Variants in ZSWIM5 observed in about 807,000 individuals in gnomAD.
ZSWIM5 encodes the protein zinc finger SWIM-type containing 5.
Under a neutral mutation model 119.6 loss-of-function variants are expected in ZSWIM5, and 55 were observed. That is an observed-to-expected ratio of 0.46 (90% CI 0.37 to 0.58). The LOEUF (loss-of-function observed/expected upper bound fraction) is 0.58. ZSWIM5 is among the 20% of genes least tolerant of loss of function. The pLI is 0.00. For synonymous variants in ZSWIM5, 537 were observed against 606.9 expected, an observed-to-expected ratio of 0.88 and a Z score of 1.69; for missense variants, 1,193 against 1,512.8, an observed-to-expected ratio of 0.79 and a Z score of 3.51.
intron 2 of ZSWIM5, among the ~76,000 whole-genome samples, chr1:45,084,393 C>G (rs371914722): frequency 6.6e-6 from 1 of 152,020 alleles, no homozygotes; most frequent in African/African-American, 2.4e-5. Context: ...CTGCCCCTGG[C>G]CCCTTCTAAA....
chr1:45,197,684 T>TA (rs963669289), intron 1 of ZSWIM5, among the ~76,000 whole-genome samples: 2 of 152,214 alleles, frequency 1.3e-5, no homozygotes, highest in Non-Finnish European at 2.9e-5. Flanking sequence ...ATGAGTATTA[T>TA]AAAAAAACTG....
intron 1 of ZSWIM5, among the ~76,000 whole-genome samples, chr1:45,189,239 C>T (rs1481657444): frequency 6.6e-6 from 1 of 151,596 alleles, no homozygotes; most frequent in Non-Finnish European, 1.5e-5. Flanking sequence ...CACTTCAACC[C>T]GGGAGGCAGA....
At chr1:45,173,234 C>T (rs1490790176) in intron 1 of ZSWIM5, among the ~76,000 whole-genome samples, 1 of 152,128 alleles carries the variant, frequency 6.6e-6, no homozygotes, top group Non-Finnish European at 1.5e-5. Context: ...TGCATGAATA[C>T]ATAATAGGTC....
chr1:45,016,417 C>A lies in ZSWIM5; in HGVS notation c.*2037G>T, dbSNP rs1644853668. On this transcript the variant is annotated 3_prime_UTR_variant, in exon 14 of 14. Transcript: ENST00000359600. The stretch of plus-strand genomic sequence containing the variant: ...CAATTTCTGCTTTTAGAAAAATGAT[C>A]TTTTATGTGATCCATGATTTATTCA... The A allele has an allele frequency of 6.6e-6, 1 of 152,220 alleles. No homozygotes were observed. Among genetic ancestry groups the A allele is most frequent in the South Asian group, 2.1e-4 (1 of 4,828 alleles). 9.4% of individuals were successfully genotyped at this position (152,220 alleles called of 1,614,324 possible).
chr1:45,092,211 A>C (rs984555388), intron 1 of ZSWIM5, among the ~76,000 whole-genome samples: 1 of 152,120 alleles, frequency 6.6e-6, no homozygotes, highest in African/African-American at 2.4e-5. Flanking sequence ...CTCCATTCTA[A>C]GTTCTTTATA....
At chr1:45,038,082 T>C (rs1644996091) in intron 8 of ZSWIM5, among the ~76,000 whole-genome samples, 1 of 152,202 alleles carries the variant, frequency 6.6e-6, no homozygotes, top group Admixed American at 6.5e-5. Context: ...AGTAGATATA[T>C]GTATACAGTA....
Position 45,020,125 on chromosome 1 carries a change from G to T in ZSWIM5, c.2636C>A (p.Thr879Asn). ...CATCTCCCTGCGTCTCCAGTTAAGG[G>T]TTGATAAGGTCATCCGCATCACCTG... is the stretch of plus-strand genomic sequence containing the variant. ...GLQVMRMTLS[T>N]LNWRRREMVR... Residue 879 changes from threonine to asparagine, a missense_variant, in exon 13 of 14, where the codon ACC becomes AAC. By Grantham distance (65) the Thr-to-Asn change is moderately conservative. Around this residue, in one of 2 missense-constraint regions of ZSWIM5, gnomAD observed 961 missense variants for 1,290.0 expected, o/e 0.74. Coordinates refer to ENST00000359600, the MANE Select transcript of ZSWIM5 (RefSeq NM_020883.2). 6.2e-7 allele frequency: 1 copy of T among 1,614,176 alleles called. No individual in the cohort carries two copies. Among genetic ancestry groups the T allele is most frequent in the Non-Finnish European group, 8.5e-7 (1 of 1,180,028 alleles).
chr1:45,183,579 C>A (rs1646036607), intron 1 of ZSWIM5, among the ~76,000 whole-genome samples: 1 of 152,188 alleles, frequency 6.6e-6, no homozygotes, highest in African/African-American at 2.4e-5. Context: ...CATCACCGAT[C>A]CCACAGAAAT....
chr1:45,064,651 A>G (rs1020030289), intron 2 of ZSWIM5, among the ~76,000 whole-genome samples: 4 of 152,254 alleles, frequency 2.6e-5, no homozygotes, highest in Non-Finnish European at 5.9e-5. Flanking sequence ...GTTTGCTGGT[A>G]TATTCACAAC....
intron 2 of ZSWIM5, among the ~76,000 whole-genome samples, chr1:45,069,804 C>A (rs766236894): frequency 6.6e-6 from 1 of 152,134 alleles, no homozygotes; most frequent in African/African-American, 2.4e-5. Context: ...TCTTTAATAC[C>A]AAGAATAAAT....
chr1:45,081,381 C>T lies in ZSWIM5; in HGVS notation c.952+6500G>A, dbSNP rs796389505. Among the ~76,000 whole-genome samples the T allele has an allele frequency of 4.6e-5, 7 of 152,202 alleles. No homozygotes were observed. In the South Asian group the frequency reaches 8.3e-4, roughly 18 times the overall value. ...GCCAAGCCGAAGCTGGACTATACTG[C>T]TGCCATCTCAGCTCACTGCAACCTC... On this transcript the variant is annotated intron_variant, in intron 2 of 13. Coordinates refer to ENST00000359600, the MANE Select transcript of ZSWIM5 (RefSeq NM_020883.2).
intron 1 of ZSWIM5, among the ~76,000 whole-genome samples, chr1:45,105,973 C>CCGCCCCCTCT (rs1645472385): frequency 7.0e-6 from 1 of 142,046 alleles, no homozygotes; most frequent in Non-Finnish European, 1.5e-5. Flanking sequence ...CGCCTCTGCC[C>CCGCCCCCTCT]GGTTGCCCCG....
intron 2 of ZSWIM5, among the ~76,000 whole-genome samples, chr1:45,065,786 T>C (rs1310548631): frequency 6.6e-6 from 1 of 152,030 alleles, no homozygotes; most frequent in Non-Finnish European, 1.5e-5. Flanking sequence ...GTGTGATTGC[T>C]GAGGCAAGCA....
At chr1:45,109,693 C>G (rs1277457143) in intron 1 of ZSWIM5, among the ~76,000 whole-genome samples, 3 of 149,182 alleles carry the variant, frequency 2.0e-5, no homozygotes, top group Non-Finnish European at 3.0e-5. Flanking sequence ...TGCGGTGAGC[C>G]AAGATCGAGC....
rs770605770 is a variant in ZSWIM5 at position 45,159,109 on chromosome 1, C to T, written c.595+46647G>A. 3.3e-5 allele frequency among the ~76,000 whole-genome samples: 5 copies of T among 152,132 alleles called. No homozygotes were observed. The South Asian group carries it at 8.3e-4, about 25-fold the overall frequency. On this transcript the variant is annotated intron_variant, in intron 1 of 13. Transcript: ENST00000359600. Reference sequence around the variant, plus strand: ...GAGATTCACATTTTAAAAAGCTTAACCTAAAAGCATTTTTAAGACAATAAC... The same window carrying T: ...GAGATTCACATTTTAAAAAGCTTAATCTAAAAGCATTTTTAAGACAATAAC...
intron 1 of ZSWIM5, among the ~76,000 whole-genome samples, chr1:45,114,637 C>A (rs949259315): frequency 4.0e-5 from 6 of 149,282 alleles, no homozygotes; most frequent in Non-Finnish European, 5.9e-5. Context: ...TGTTTGTACT[C>A]TGTATCTTTT....
At chr1:45,038,604 C>CTTTTTTTTTTTT (rs55717021) in intron 8 of ZSWIM5, among the ~76,000 whole-genome samples, 2,767 of 48,470 alleles carry the variant, frequency 0.057, 889 homozygotes, top group East Asian at 0.27. Context: ...CGAGGGCAGT[C>CTTTTTTTTTTTT]TTTTTTTTTT....
intron 1 of ZSWIM5, among the ~76,000 whole-genome samples, chr1:45,193,803 T>C (rs1646105642): frequency 6.6e-6 from 1 of 152,182 alleles, no homozygotes; most frequent in African/African-American, 2.4e-5. Flanking sequence ...ACATATTAAC[T>C]AATTTAATTC....
chr1:45,025,064 A>C (rs1310335150), intron 11 of ZSWIM5, among the ~76,000 whole-genome samples: 2 of 152,168 alleles, frequency 1.3e-5, no homozygotes, highest in Non-Finnish European at 2.9e-5. Flanking sequence ...TTCTTTTTGC[A>C]TGTGAATGTC....
Sources: allele counts gnomAD v4.1 joint callset (sites outside exome capture counted in the v4.1 genomes callset), GRCh38; gene constraint gnomAD v4.1.1; regional missense constraint gnomAD v4.1.1; transcripts MANE v1.5; gene names NCBI Gene and HGNC (gene_info 2026-07-23, HGNC 2026-07-21).